UBE2J1: variants seen among roughly 807,000 people sequenced by gnomAD.
The protein encoded by UBE2J1 is ubiquitin-conjugating enzyme E2 J1.
In UBE2J1, 17 loss-of-function variants were observed where a neutral mutation model predicts 42.1. The observed-to-expected ratio is 0.40, with a 90% confidence interval of 0.28 to 0.61. The LOEUF (loss-of-function observed/expected upper bound fraction) is 0.61, where lower values mean the gene tolerates loss of function less well. Ranked by LOEUF, UBE2J1 falls within the 20% of genes least tolerant of loss-of-function variation. The pLI, the probability that UBE2J1 is intolerant of heterozygous loss-of-function variation, is 0.38. For synonymous variants in UBE2J1, 127 were observed against 137.2 expected, an observed-to-expected ratio of 0.93 and a Z score of 0.52; for missense variants, 291 against 389.4, an observed-to-expected ratio of 0.75 and a Z score of 2.13.
intron 6 of UBE2J1, 32 bp downstream of exon 6, chr6:89,335,270 A>C (rs199870763): frequency 6.5e-7 from 1 of 1,537,626 alleles, no homozygotes; most frequent in East Asian, 2.3e-5. Context: ...AAAGGGTTGC[A>C]AGATTAGCAT....
At chr6:89,346,495 C>T (rs1433222247) in intron 1 of UBE2J1, among the ~76,000 whole-genome samples, 2 of 152,080 alleles carry the variant, frequency 1.3e-5, no homozygotes, top group East Asian at 3.8e-4. Flanking sequence ...ACTTTACCTC[C>T]CCTCCACTCT....
rs1379604355 is a variant in UBE2J1 at position 89,329,006 on chromosome 6, T to A, written c.*673A>T. The A allele has an allele frequency of 2.6e-5, 4 of 152,228 alleles. No individual in the cohort carries two copies. Among genetic ancestry groups the A allele is most frequent in the African/African-American group, 7.2e-5 (3 of 41,456 alleles). The allele number at this position is 152,228 out of a possible 1,614,324, so 9.4% of individuals were successfully genotyped here. A position where few individuals can be genotyped will look rare whatever the true frequency, so the allele number is the denominator to read the frequency against. On this transcript the variant is annotated 3_prime_UTR_variant, in exon 8 of 8. Transcript: ENST00000435041. ...CTTTCTTTTTAAATTTGTGTGATTA[T>A]GGCAGCAGAGGGCAGGGGGTGGTGA...
chr6:89,337,683 A>G (rs926059164), intron 5 of UBE2J1, among the ~76,000 whole-genome samples: 6 of 152,310 alleles, frequency 3.9e-5, no homozygotes, highest in African/African-American at 1.4e-4. Flanking sequence ...CTGCACCTGA[A>G]AAAAACAGAG....
At chr6:89,340,053 T>A (rs1362025648) in intron 3 of UBE2J1, among the ~76,000 whole-genome samples, 1 of 150,974 alleles carries the variant, frequency 6.6e-6, no homozygotes, top group Non-Finnish European at 1.5e-5. Context: ...AGAGAAGACA[T>A]TCAAGAGGCC....
At chr6:89,346,186 T>C (rs1768362124) in intron 1 of UBE2J1, among the ~76,000 whole-genome samples, 1 of 152,100 alleles carries the variant, frequency 6.6e-6, no homozygotes, top group East Asian at 1.9e-4. Flanking sequence ...CAAAAAAAAG[T>C]TGTTACTATC....
At chr6:89,351,072 T>C (rs931191701) in intron 1 of UBE2J1, among the ~76,000 whole-genome samples, 1 of 67,558 alleles carries the variant, frequency 1.5e-5, no homozygotes, top group African/African-American at 8.1e-5. Flanking sequence ...GGATTCTCTT[T>C]TTTTTTTTTT....
At chr6:89,345,244 T>A (rs1768337495) in intron 1 of UBE2J1, among the ~76,000 whole-genome samples, 1 of 152,208 alleles carries the variant, frequency 6.6e-6, no homozygotes, top group Non-Finnish European at 1.5e-5. Context: ...AGAGATTAAC[T>A]GAGAAGGAAC....
At chr6:89,342,597 T>C in intron 2 of UBE2J1, 142 bp from the exon 3 acceptor site, 2 of 712,718 alleles carry the variant, frequency 2.8e-6, no homozygotes, top group Non-Finnish European at 4.3e-6. Flanking sequence ...ATGAGATGTC[T>C]CGAGACTATA....
intron 1 of UBE2J1, among the ~76,000 whole-genome samples, chr6:89,350,970 TAA>T (rs1582491414): frequency 6.6e-6 from 1 of 151,976 alleles, no homozygotes; most frequent in East Asian, 1.9e-4. Context: ...TACCACAATG[TAA>T]ATAATTCAAT....
chr6:89,338,154 A>C (rs748531360), intron 5 of UBE2J1, 51 bp downstream of exon 5: 1 of 1,346,594 alleles, frequency 7.4e-7, no homozygotes, highest in Admixed American at 1.9e-5. Context: ...CCTAATAGCC[A>C]TTACCCTGAA....
At chr6:89,334,905 C>T (rs181512957) in intron 6 of UBE2J1, among the ~76,000 whole-genome samples, 1 of 152,194 alleles carries the variant, frequency 6.6e-6, no homozygotes, top group Admixed American at 6.5e-5. Flanking sequence ...GATTTAGGTA[C>T]CATTATTATT....
chr6:89,351,242 C>T (rs970475430), intron 1 of UBE2J1, among the ~76,000 whole-genome samples: 6 of 151,700 alleles, frequency 4.0e-5, no homozygotes, highest in Non-Finnish European at 7.4e-5. Context: ...CCACCATGCC[C>T]GGCTGATTTT....
chr6:89,351,144 C>T (rs1404900731), intron 1 of UBE2J1, among the ~76,000 whole-genome samples: 4 of 131,814 alleles, frequency 3.0e-5, no homozygotes, highest in South Asian at 2.4e-4. Context: ...TGCAGTGGCG[C>T]GATCTCGGCT....
In UBE2J1 at chr6:89,332,536, A is replaced by G. The variant is rs539213343; in HGVS notation, c.678+550T>C. On this transcript the variant is annotated intron_variant, in intron 7 of 7. Coordinates refer to ENST00000435041, the MANE Select transcript of UBE2J1 (RefSeq NM_016021.3). ...AATGTTTATGTCTACACTGTCCAAT[A>G]TGGTACCCATTAGCCACATGTGGCT... Among the ~76,000 whole-genome samples the G allele has an allele frequency of 2.4e-4, 37 of 152,328 alleles. 1 individual carries two copies. The South Asian group carries it at 6.2e-3, about 26-fold the overall frequency.
At chr6:89,330,728 T>C (rs1178626307) in intron 7 of UBE2J1, among the ~76,000 whole-genome samples, 1 of 152,030 alleles carries the variant, frequency 6.6e-6, no homozygotes, top group Non-Finnish European at 1.5e-5. Context: ...CTCAGGAGGT[T>C]GAGGCTTCGG....
Position 89,329,207 on chromosome 6 carries a change from G to A in UBE2J1, c.*472C>T, listed in dbSNP as rs1190694627. ...CAATTCCAGTACATCTCCTATGAAT[G>A]ACATTTTAAGGAAGCTACTTGAGGA... On this transcript the variant is annotated 3_prime_UTR_variant, in exon 8 of 8. Transcript: ENST00000435041. 1 of 156,566 alleles carries A rather than the reference G, an allele frequency of 6.4e-6. No individual in the cohort carries two copies. The highest frequency in any genetic ancestry group is 1.4e-5 in the Non-Finnish European group (1 of 71,330). 9.7% of individuals were successfully genotyped at this position (156,566 alleles called of 1,614,324 possible).
intron 7 of UBE2J1, among the ~76,000 whole-genome samples, chr6:89,331,889 A>G (rs1371466551): frequency 6.6e-6 from 1 of 152,246 alleles, no homozygotes; most frequent in African/African-American, 2.4e-5. Flanking sequence ...GAACTAAAAC[A>G]TATTGACCTT....
intron 1 of UBE2J1, among the ~76,000 whole-genome samples, chr6:89,347,043 A>G (rs931907319): frequency 1.3e-5 from 2 of 152,238 alleles, no homozygotes; most frequent in African/African-American, 4.8e-5. Flanking sequence ...TTAATAAAAC[A>G]ATTAAACTTA....
At chr6:89,351,069 CTTTTTTTTTTTTTTTTTT>C (rs1193022037) in intron 1 of UBE2J1, among the ~76,000 whole-genome samples, 3 of 60,442 alleles carry the variant, frequency 5.0e-5, no homozygotes, top group Non-Finnish European at 9.0e-5. Flanking sequence ...CCGGGATTCT[CTTTTTTTTTTTTTTTTTT>C]TTTTTTTTTT....
Sources: allele counts gnomAD v4.1 joint callset (sites outside exome capture counted in the v4.1 genomes callset), GRCh38; gene constraint gnomAD v4.1.1; transcripts MANE v1.5; gene names NCBI Gene and HGNC (gene_info 2026-07-23, HGNC 2026-07-21).